The following BAIAP2 variants were observed in gnomAD, a reference collection of about 807,000 sequenced individuals.
BAIAP2 encodes the protein BAR/IMD domain-containing adapter protein 2.
In BAIAP2, 18 loss-of-function variants were observed where a neutral mutation model predicts 63.0. The observed-to-expected ratio is 0.29, with a 90% CI of 0.20 to 0.42. The LOEUF (loss-of-function observed/expected upper bound fraction) is 0.42, where lower values mean the gene tolerates loss of function less well. BAIAP2 is among the 10% of genes least tolerant of loss of function. The pLI, the probability that BAIAP2 is intolerant of heterozygous loss-of-function variation, is 1.00. For missense variants in BAIAP2, 610 were observed against 734.3 expected, an observed-to-expected ratio of 0.83 and a Z score of 1.96; for synonymous variants, 386 against 307.6, an observed-to-expected ratio of 1.25 and a Z score of -2.67.
chr17:81,061,615 C>T (rs889272342), intron 3 of BAIAP2, among the ~76,000 whole-genome samples: 3 of 152,198 alleles, frequency 2.0e-5, no homozygotes, highest in East Asian at 1.9e-4. Flanking sequence ...TGTTGCATTT[C>T]GTCGCTTGCA....
rs904492699 is a variant in BAIAP2, at chr17:81,046,564, C to T, written c.55-7104C>T. Among the ~76,000 whole-genome samples, 1 of 151,870 alleles carries T rather than the reference C, an allele frequency of 6.6e-6. No homozygotes were observed. The highest frequency in any genetic ancestry group is 1.5e-5 in the Non-Finnish European group (1 of 67,948). ...CTCCTGTGTGTGGGGTCAGCAGTGG[C>T]CCGCCCTGGAGGACGCTGCCACCTT... is the stretch of plus-strand genomic sequence containing the variant. On this transcript the variant is annotated intron_variant, in intron 1 of 13. Coordinates refer to ENST00000428708, the MANE Select transcript of BAIAP2 (RefSeq NM_001144888.2). This position sits in a 1 kb window ranked among gnomAD's most constrained non-coding sequence, Gnocchi z 4.5.
At chr17:81,093,847 G>A (rs1305095591) in intron 6 of BAIAP2, among the ~76,000 whole-genome samples, 3 of 152,194 alleles carry the variant, frequency 2.0e-5, no homozygotes, top group African/African-American at 4.8e-5. Context: ...GATCGCCAGC[G>A]TGGAGTCTGG....
intron 1 of BAIAP2, among the ~76,000 whole-genome samples, chr17:81,039,196 TGTG>T (rs1331134177): frequency 5.9e-5 from 9 of 152,230 alleles, no homozygotes; most frequent in Non-Finnish European, 1.3e-4. Context: ...GCAGTGCTGA[TGTG>T]GTCCCCTTGG....
rs772842466 is a variant in BAIAP2, at chr17:81,104,735, G to A, written c.1268+20G>A. Reference sequence around the variant, plus strand: ...CAAGATGTGAGTGTTTCTCGGGGGCGGGCTCCAGGCAGCCGCTGCCTTCAG... The same window carrying A: ...CAAGATGTGAGTGTTTCTCGGGGGCAGGCTCCAGGCAGCCGCTGCCTTCAG... On this transcript the variant is annotated intron_variant, in intron 10 of 13. Coordinates refer to ENST00000428708, the MANE Select transcript of BAIAP2 (RefSeq NM_001144888.2). 9.7e-6 allele frequency: 15 copies of A among 1,546,002 alleles called. No individual in the cohort carries two copies. The South Asian group carries it at 1.1e-4, about 11-fold the overall frequency.
chr17:81,101,558 G>C (rs1298348470), intron 7 of BAIAP2, among the ~76,000 whole-genome samples: 4 of 152,134 alleles, frequency 2.6e-5, no homozygotes, highest in East Asian at 1.9e-4. Flanking sequence ...TAAAATAAAG[G>C]GTTGCAGGGA....
At chr17:81,071,757 G>A (rs35663354) in intron 3 of BAIAP2, among the ~76,000 whole-genome samples, 3 of 152,066 alleles carry the variant, frequency 2.0e-5, no homozygotes, top group Non-Finnish European at 2.9e-5. Flanking sequence ...GCACCATCCC[G>A]CACCGCCACG....
chr17:81,099,852 C>A, intron 6 of BAIAP2, 76 bp from the exon 7 acceptor site: 1 of 1,529,602 alleles, frequency 6.5e-7, no homozygotes, highest in Non-Finnish European at 8.9e-7. Context: ...TGACTGAGTC[C>A]GTGGGGCTGC....
intron 6 of BAIAP2, among the ~76,000 whole-genome samples, chr17:81,093,406 G>A (rs1443766704): frequency 5.3e-5 from 5 of 93,776 alleles, no homozygotes; most frequent in African/African-American, 1.8e-4. Context: ...GGGGCTACAA[G>A]GAGAGCCAGG....
At chr17:81,055,315 C>T (rs2049291658) in intron 2 of BAIAP2, among the ~76,000 whole-genome samples, 1 of 152,202 alleles carries the variant, frequency 6.6e-6, no homozygotes, top group Non-Finnish European at 1.5e-5. Flanking sequence ...ACCAGTTGTG[C>T]CCGCCTGCCA....
At chr17:81,038,917 C>G (rs2046689998) in intron 1 of BAIAP2, among the ~76,000 whole-genome samples, 1 of 152,074 alleles carries the variant, frequency 6.6e-6, no homozygotes, top group African/African-American at 2.4e-5. Context: ...GGCAGCAGAC[C>G]CGGCACCTGA....
At chr17:81,052,725 G>C (rs1200581277) in intron 1 of BAIAP2, among the ~76,000 whole-genome samples, 1 of 152,182 alleles carries the variant, frequency 6.6e-6, no homozygotes, top group Non-Finnish European at 1.5e-5. Flanking sequence ...TGCTGGGAGA[G>C]GGGGTGGGGG....
Position 81,046,955 on chromosome 17 carries a change from C to T in BAIAP2, c.55-6713C>T, listed in dbSNP as rs533861684. On this transcript the variant is annotated intron_variant, in intron 1 of 13. Coordinates refer to ENST00000428708, the MANE Select transcript of BAIAP2 (RefSeq NM_001144888.2). The surrounding 1 kb of genome is among the most constrained non-coding windows in gnomAD (Gnocchi z 4.5). ...GCACTGCCGGCCCCGCAGCTGCCAC[C>T]GGCTTCTGCCTGTCGCGACAGAGGT... 7.4e-4 allele frequency among the ~76,000 whole-genome samples: 113 copies of T among 152,324 alleles called. No individual in the cohort carries two copies. Among genetic ancestry groups the T allele is most frequent in the African/African-American group, 2.5e-3 (106 of 41,592 alleles).
chr17:81,097,087 T>A (rs536727923), intron 6 of BAIAP2, among the ~76,000 whole-genome samples: 2 of 152,214 alleles, frequency 1.3e-5, no homozygotes, highest in Non-Finnish European at 2.9e-5. Flanking sequence ...GCCTCTCACC[T>A]GTGATCAAAC....
intron 13 of BAIAP2, among the ~76,000 whole-genome samples, chr17:81,112,029 T>G (rs769982347): frequency 1.1e-4 from 16 of 152,200 alleles, no homozygotes; most frequent in Non-Finnish European, 1.9e-4. Flanking sequence ...TTCTGGAAGA[T>G]TAGGTAGAAA....
chr17:81,089,583 A>G (rs2056352620), intron 6 of BAIAP2, among the ~76,000 whole-genome samples: 1 of 6,318 alleles, frequency 1.6e-4, no homozygotes, highest in East Asian at 5.9e-3. Context: ...CTGTTTCCCA[A>G]CGGCTGCCAC....
chr17:81,072,638 G>A (rs2052901921), intron 3 of BAIAP2, among the ~76,000 whole-genome samples: 1 of 152,204 alleles, frequency 6.6e-6, no homozygotes, highest in African/African-American at 2.4e-5. Flanking sequence ...AGTCCGTGGG[G>A]TCTTCAACCT....
At chr17:81,055,318 G>A (rs961706829) in intron 2 of BAIAP2, among the ~76,000 whole-genome samples, 3 of 152,154 alleles carry the variant, frequency 2.0e-5, no homozygotes, top group African/African-American at 7.2e-5. Flanking sequence ...AGTTGTGCCC[G>A]CCTGCCACAT....
chr17:81,042,604 A>G (rs1021842581), intron 1 of BAIAP2, among the ~76,000 whole-genome samples: 4 of 152,060 alleles, frequency 2.6e-5, no homozygotes, highest in Non-Finnish European at 5.9e-5. Flanking sequence ...ATGCCAGGTG[A>G]CCGCCTGCTT....
At chr17:81,092,092 G>GT (rs2056871143) in intron 6 of BAIAP2, among the ~76,000 whole-genome samples, 1 of 152,230 alleles carries the variant, frequency 6.6e-6, no homozygotes, top group African/African-American at 2.4e-5. Context: ...TCAGATGTGG[G>GT]TTCCCTCAGC....
Sources: allele counts gnomAD v4.1 joint callset (sites outside exome capture counted in the v4.1 genomes callset), GRCh38; gene constraint gnomAD v4.1.1; non-coding constraint Gnocchi (gnomAD v3.1); transcripts MANE v1.5; gene names NCBI Gene and HGNC (gene_info 2026-07-23, HGNC 2026-07-21).